Variants in UBE2E1 observed in about 807,000 individuals in gnomAD.
UBE2E1 encodes ubiquitin-conjugating enzyme E2 E1.
A neutral mutation model predicts 21.4 loss-of-function variants in UBE2E1; 6 were observed. The observed-to-expected ratio is 0.28, with a 90% confidence interval of 0.15 to 0.55. UBE2E1 has a LOEUF of 0.55. UBE2E1 is among the 20% of genes least tolerant of loss of function. The pLI is 0.93. For synonymous variants in UBE2E1, 87 were observed against 82.7 expected (o/e 1.05, Z -0.28); for missense variants, 142 against 236.5 (o/e 0.60, Z 2.62).
At chr3:23,848,506 A>G in intron 3 of UBE2E1, among the ~76,000 whole-genome samples, 1 of 152,094 alleles carries the variant, frequency 6.6e-6, no homozygotes, top group Non-Finnish European at 1.5e-5. Context: ...ACTTTAGCTA[A>G]GCAGGTACTT....
chr3:23,856,936 G>C (rs1700453583), intron 3 of UBE2E1, among the ~76,000 whole-genome samples: 2 of 150,314 alleles, frequency 1.3e-5, no homozygotes, highest in African/African-American at 4.9e-5. Context: ...CCCGGATTTT[G>C]AGGTTGCAGT....
At position 23,840,383 on chromosome 3, in the gene UBE2E1, G is replaced by A. The variant is rs73150216; in HGVS notation, c.203+28873G>A. The stretch of plus-strand genomic sequence containing the variant: ...TGTGAATTTTGCCTTTTTGAGTGCT[G>A]CCTTTTTGTATTCTTAAAAATATTC... On this transcript the variant is annotated intron_variant, in intron 3 of 5. Transcript: ENST00000306627. Among the ~76,000 whole-genome samples the A allele has an allele frequency of 7.3e-3, 1,107 of 152,224 alleles. 12 individuals are homozygous for A. Among genetic ancestry groups the A allele is most frequent in the African/African-American group, 0.025 (1,056 of 41,532 alleles).
At position 23,871,008 on chromosome 3, in the gene UBE2E1, C is replaced by G. The variant is rs1159754007; in HGVS notation, c.204-16559C>G. Among the ~76,000 whole-genome samples the G allele has an allele frequency of 3.3e-5, 5 of 152,302 alleles. No homozygotes were observed. The East Asian group carries it at 7.7e-4, about 24-fold the overall frequency. The stretch of plus-strand genomic sequence containing the variant: ...CAGGGTTGGGGGTAAGGTCACAGAT[C>G]AACAGGATCCCAAGGCAGAAGAATT... On this transcript the variant is annotated intron_variant, in intron 3 of 5. Transcript: ENST00000306627.
intron 3 of UBE2E1, among the ~76,000 whole-genome samples, chr3:23,839,968 G>A (rs1218133269): frequency 3.3e-5 from 5 of 151,934 alleles, no homozygotes; most frequent in African/African-American, 1.2e-4. Context: ...TTGGCTCTAT[G>A]AGCTTATAGT....
In UBE2E1 at chr3:23,887,455, T is replaced by G; in HGVS notation, c.204-112T>G. ...TTCTGTACTTGTTTTGTAAAGAGAA[T>G]CCACACAGTAAACAAAAGAGAGGAG... On this transcript the variant is annotated intron_variant, in intron 3 of 5. Transcript: ENST00000306627. The surrounding 1 kb of genome is among the most constrained non-coding windows in gnomAD (Gnocchi z 4.4). 2 of 1,392,076 alleles carry G rather than the reference T, an allele frequency of 1.4e-6. No homozygotes were observed. The highest frequency in any genetic ancestry group is 3.3e-5 in the South Asian group (2 of 60,894). 86.2% of individuals were successfully genotyped at this position (1,392,076 alleles called of 1,614,324 possible).
chr3:23,850,218 A>G (rs1255049564), intron 3 of UBE2E1, among the ~76,000 whole-genome samples: 2 of 152,072 alleles, frequency 1.3e-5, no homozygotes, highest in Admixed American at 6.6e-5. Flanking sequence ...CCAGGCTGGT[A>G]TTGAACTCCT....
intron 3 of UBE2E1, among the ~76,000 whole-genome samples, chr3:23,872,266 G>T (rs905894511): frequency 1.3e-5 from 2 of 152,058 alleles, no homozygotes; most frequent in Non-Finnish European, 2.9e-5. Context: ...ACAGGCACTC[G>T]GCAGGCTGAG....
chr3:23,847,298 A>G (rs1412422606), intron 3 of UBE2E1, among the ~76,000 whole-genome samples: 1 of 152,150 alleles, frequency 6.6e-6, no homozygotes, highest in Non-Finnish European at 1.5e-5. Context: ...AAAAGAAGAC[A>G]TCCATTAATG....
intron 3 of UBE2E1, among the ~76,000 whole-genome samples, chr3:23,821,766 G>T (rs1210464608): frequency 1.3e-5 from 2 of 152,212 alleles, no homozygotes; most frequent in Admixed American, 1.3e-4. Flanking sequence ...CGTAGGGCGC[G>T]TGTGTGGTGG....
rs1559482448 is a variant in UBE2E1, at chr3:23,842,243, GT to G, written c.203+30734del. 8.1e-3 allele frequency among the ~76,000 whole-genome samples: 533 copies of G among 65,530 alleles called. 3 individuals carry two copies. Among genetic ancestry groups the G allele is most frequent in the African/African-American group, 0.026 (417 of 16,308 alleles). The allele number at this position is 65,530 out of a possible 152,430, so 43.0% of individuals were successfully genotyped here. On this transcript the variant is annotated intron_variant, in intron 3 of 5. Coordinates refer to ENST00000306627, the MANE Select transcript of UBE2E1 (RefSeq NM_003341.5). This position sits in a 1 kb window ranked among gnomAD's most constrained non-coding sequence, Gnocchi z 4.6. The stretch of plus-strand genomic sequence containing the variant: ...TGTGTGTGTGTGTGTGTGTGTGTGT[GT>G]GTGTGGTGTTGTTGTTGTTGGCGAC...
At chr3:23,883,146 A>G (rs144260757) in intron 3 of UBE2E1, among the ~76,000 whole-genome samples, 114 of 152,332 alleles carry the variant, frequency 7.5e-4, no homozygotes, top group African/African-American at 2.6e-3. Context: ...AGGATTTTCC[A>G]TACTCTAATC....
rs912122725 is a variant in UBE2E1, at chr3:23,853,191, C to T, written c.204-34376C>T. 6.6e-6 allele frequency among the ~76,000 whole-genome samples: 1 copy of T among 152,232 alleles called. No homozygotes were observed. Among genetic ancestry groups the T allele is most frequent in the African/African-American group, 2.4e-5 (1 of 41,470 alleles). ...TACAGGCGTGAGCCACCGCGCCCAG[C>T]TGCCTTATTTCTTTTTCTTGCTGTA... is the stretch of plus-strand genomic sequence containing the variant. On this transcript the variant is annotated intron_variant, in intron 3 of 5. Transcript: ENST00000306627. This position sits in a 1 kb window ranked among gnomAD's most constrained non-coding sequence, Gnocchi z 4.1.
In UBE2E1 at chr3:23,887,017, G is replaced by T. The variant is rs559784771; in HGVS notation, c.204-550G>T. Among the ~76,000 whole-genome samples the T allele has an allele frequency of 6.6e-6, 1 of 152,146 alleles. No homozygotes were observed. The highest frequency in any genetic ancestry group is 2.4e-5 in the African/African-American group (1 of 41,428). On this transcript the variant is annotated intron_variant, in intron 3 of 5. Transcript: ENST00000306627. The surrounding 1 kb of genome is among the most constrained non-coding windows in gnomAD (Gnocchi z 4.4). ...TAGAATACACATTGAAATGAAAATT[G>T]AATAACCTGTAACTGGATACTTACC...
intron 3 of UBE2E1, among the ~76,000 whole-genome samples, chr3:23,837,588 G>A (rs1699998482): frequency 6.6e-6 from 1 of 152,210 alleles, no homozygotes; most frequent in Non-Finnish European, 1.5e-5. Context: ...ATTCCAATTT[G>A]AAATTCAGAG....
At chr3:23,832,202 G>A (rs1699882075) in intron 3 of UBE2E1, among the ~76,000 whole-genome samples, 1 of 152,152 alleles carries the variant, frequency 6.6e-6, no homozygotes, top group South Asian at 2.1e-4. Context: ...TTCCTGAAAG[G>A]GAAATAAAAA....
At chr3:23,872,461 A>G (rs949867256) in intron 3 of UBE2E1, among the ~76,000 whole-genome samples, 28 of 152,230 alleles carry the variant, frequency 1.8e-4, no homozygotes, top group African/African-American at 6.0e-4. Flanking sequence ...AGAATCAAGC[A>G]CTTATTTTAA....
intron 3 of UBE2E1, among the ~76,000 whole-genome samples, chr3:23,882,635 A>G (rs1575040188): frequency 6.6e-6 from 1 of 150,678 alleles, no homozygotes; most frequent in African/African-American, 2.4e-5. Flanking sequence ...GCAGGGGTGG[A>G]GGGGAGGCTC....
At chr3:23,858,276 T>A (rs1241909838) in intron 3 of UBE2E1, among the ~76,000 whole-genome samples, 1 of 152,186 alleles carries the variant, frequency 6.6e-6, no homozygotes, top group Non-Finnish European at 1.5e-5. Context: ...GTCGTCAGCA[T>A]TTTATAAAAG....
chr3:23,806,656 C>A lies in UBE2E1; in HGVS notation c.-34+568C>A, dbSNP rs1323849717. Among the ~76,000 whole-genome samples, 15 of 151,550 alleles carry A rather than the reference C, an allele frequency of 9.9e-5. No individual in the cohort carries two copies. In the East Asian group the frequency reaches 2.9e-3, roughly 30 times the overall value. On this transcript the variant is annotated intron_variant, in intron 1 of 5. Transcript: ENST00000306627. The surrounding 1 kb of genome is among the most constrained non-coding windows in gnomAD (Gnocchi z 6.5). Reference sequence around the variant, plus strand: ...GGCGTCGGGGCGCGGCGCGGGGGGGCCTCGGGCCTCGTCGCCCCTGCCCCC... The same window carrying A: ...GGCGTCGGGGCGCGGCGCGGGGGGGACTCGGGCCTCGTCGCCCCTGCCCCC...
Sources: allele counts gnomAD v4.1 joint callset (sites outside exome capture counted in the v4.1 genomes callset), GRCh38; gene constraint gnomAD v4.1.1; non-coding constraint Gnocchi (gnomAD v3.1); transcripts MANE v1.5; gene names NCBI Gene and HGNC (gene_info 2026-07-23, HGNC 2026-07-21).